Variants in SLCO3A1 observed in about 807,000 individuals in gnomAD.
The protein encoded by SLCO3A1 is PGE1 transporter.
In SLCO3A1, 27 loss-of-function variants were observed where a neutral mutation model predicts 63.1. The observed-to-expected ratio is 0.43, with a 90% CI of 0.32 to 0.59. The LOEUF is 0.59. Among genes scored for constraint, SLCO3A1 ranks in the 20% least tolerant of loss-of-function variants. The pLI is 0.09. For synonymous variants in SLCO3A1, 473 were observed against 409.9 expected (o/e 1.15, Z -1.86); for missense variants, 773 against 945.8 (o/e 0.82, Z 2.40).
intron 2 of SLCO3A1, among the ~76,000 whole-genome samples, chr15:92,048,625 C>G (rs753702171): frequency 6.6e-6 from 1 of 152,076 alleles, no homozygotes; most frequent in Non-Finnish European, 1.5e-5. Flanking sequence ...GGAGGTAACC[C>G]GTCCTCTCCC....
intron 2 of SLCO3A1, among the ~76,000 whole-genome samples, chr15:91,989,557 A>G (rs1411151219): frequency 6.6e-6 from 1 of 152,270 alleles, no homozygotes; most frequent in Middle Eastern, 3.2e-3. Flanking sequence ...GAGGGCTCAA[A>G]TAACTGATAT....
At chr15:92,090,247 C>G (rs1036402475) in intron 2 of SLCO3A1, among the ~76,000 whole-genome samples, 1 of 152,162 alleles carries the variant, frequency 6.6e-6, no homozygotes, top group Non-Finnish European at 1.5e-5. Flanking sequence ...AGTGTTGACA[C>G]CATAGGCTAC....
At chr15:92,092,289 T>A (rs928587712) in intron 2 of SLCO3A1, among the ~76,000 whole-genome samples, 2 of 152,134 alleles carry the variant, frequency 1.3e-5, no homozygotes, top group African/African-American at 4.8e-5. Flanking sequence ...ATTCTCATTA[T>A]TCAGTCTGTA....
At chr15:92,074,893 T>A (rs1049686060) in intron 2 of SLCO3A1, among the ~76,000 whole-genome samples, 2 of 152,148 alleles carry the variant, frequency 1.3e-5, no homozygotes, top group African/African-American at 2.4e-5. Flanking sequence ...TTCACACCCG[T>A]GGCATAGAGC....
chr15:91,896,939 T>G (rs1898020418), intron 1 of SLCO3A1, among the ~76,000 whole-genome samples: 1 of 152,204 alleles, frequency 6.6e-6, no homozygotes, highest in Non-Finnish European at 1.5e-5. Flanking sequence ...GGAGAGGTAT[T>G]GTGGGCTTTT....
intron 5 of SLCO3A1, among the ~76,000 whole-genome samples, chr15:92,122,786 A>G (rs963600697): frequency 3.3e-5 from 5 of 152,254 alleles, no homozygotes; most frequent in African/African-American, 1.2e-4. Flanking sequence ...TGGATAAATT[A>G]TAGAATGTTC....
intron 2 of SLCO3A1, among the ~76,000 whole-genome samples, chr15:91,966,035 C>T (rs563919662): frequency 1.3e-5 from 2 of 152,180 alleles, no homozygotes; most frequent in South Asian, 2.1e-4. Context: ...TGGTTCATTC[C>T]GTGAGTCATC....
chr15:92,051,546 T>G (rs562552886), intron 2 of SLCO3A1, among the ~76,000 whole-genome samples: 14 of 152,156 alleles, frequency 9.2e-5, no homozygotes, highest in African/African-American at 3.4e-4. Flanking sequence ...TTATTCCAAT[T>G]TTATTAGGAG....
At chr15:91,880,197 C>CTATCTATCTATCTATCTATCTATCT (rs1753177439) in intron 1 of SLCO3A1, among the ~76,000 whole-genome samples, 1 of 151,048 alleles carries the variant, frequency 6.6e-6, no homozygotes, top group African/African-American at 2.4e-5. Context: ...ATCTATCTAT[C>CTATCTATCTATCTATCTATCTATCT]ATCCTGAGAT....
intron 2 of SLCO3A1, among the ~76,000 whole-genome samples, chr15:92,085,195 A>T (rs1306137202): frequency 6.6e-6 from 1 of 151,986 alleles, no homozygotes; most frequent in Admixed American, 6.5e-5. Context: ...TGTAGAACCC[A>T]CTCTGAATCC....
intron 2 of SLCO3A1, among the ~76,000 whole-genome samples, chr15:91,974,829 C>T (rs532095476): frequency 2.0e-5 from 3 of 152,170 alleles, no homozygotes; most frequent in Non-Finnish European, 1.5e-5. Flanking sequence ...AGCCAGTGTC[C>T]CCATTTAGCA....
Position 92,163,966 on chromosome 15 carries a change from C to A in SLCO3A1, c.*831C>A. The stretch of plus-strand genomic sequence containing the variant: ...TCGCCTGGCTATGACTGACCCGGCT[C>A]AGAGCTGGTGAGACCCAACGCAGTC... On this transcript the variant is annotated 3_prime_UTR_variant, in exon 10 of 10. Coordinates refer to ENST00000318445, the MANE Select transcript of SLCO3A1 (RefSeq NM_013272.4). The A allele has an allele frequency of 2.0e-6, 2 of 985,444 alleles. No homozygotes were observed. The highest frequency in any genetic ancestry group is 9.4e-5 in the South Asian group (2 of 21,294). 61.0% of individuals were successfully genotyped at this position (985,444 alleles called of 1,614,324 possible).
At chr15:92,143,333 C>G (rs539614758) in intron 7 of SLCO3A1, among the ~76,000 whole-genome samples, 1 of 85,158 alleles carries the variant, frequency 1.2e-5, no homozygotes, top group African/African-American at 4.5e-5. Context: ...ATGAACAGAA[C>G]TTAGGTGTTC....
intron 2 of SLCO3A1, among the ~76,000 whole-genome samples, chr15:91,987,911 G>T (rs1246744481): frequency 6.6e-6 from 1 of 152,066 alleles, no homozygotes; most frequent in Non-Finnish European, 1.5e-5. Flanking sequence ...TAAAGGAGGG[G>T]TCCTCGTGGC....
At chr15:91,864,156 A>G (rs1897110689) in intron 1 of SLCO3A1, among the ~76,000 whole-genome samples, 1 of 152,198 alleles carries the variant, frequency 6.6e-6, no homozygotes, top group South Asian at 2.1e-4. Context: ...GACATGTGCA[A>G]TCGACTGTCC....
At chr15:92,157,347 T>G (rs962641802) in intron 9 of SLCO3A1, 2 of 152,088 alleles carry the variant, frequency 1.3e-5, no homozygotes, top group Non-Finnish European at 2.9e-5. Context: ...TACACCACCA[T>G]CATCAAGCTC....
chr15:92,128,646 G>C (rs1375331083), intron 7 of SLCO3A1, among the ~76,000 whole-genome samples, 157 bp downstream of exon 7: 1 of 152,202 alleles, frequency 6.6e-6, no homozygotes, highest in Non-Finnish European at 1.5e-5. Context: ...TGAGAGGACT[G>C]ATTCAGGTCT....
intron 6 of SLCO3A1, among the ~76,000 whole-genome samples, chr15:92,127,658 T>G (rs2047941587): frequency 6.6e-6 from 1 of 152,210 alleles, no homozygotes; most frequent in African/African-American, 2.4e-5. Flanking sequence ...GCTAATACAC[T>G]CACTCTACCC....
At chr15:91,931,824 C>A (rs1899246559) in intron 2 of SLCO3A1, among the ~76,000 whole-genome samples, 1 of 152,126 alleles carries the variant, frequency 6.6e-6, no homozygotes, top group Non-Finnish European at 1.5e-5. Flanking sequence ...CACACACACT[C>A]ACACAGGAGT....
Sources: allele counts gnomAD v4.1 joint callset (sites outside exome capture counted in the v4.1 genomes callset), GRCh38; gene constraint gnomAD v4.1.1; transcripts MANE v1.5; gene names NCBI Gene and HGNC (gene_info 2026-07-23, HGNC 2026-07-21).